The following ANXA2 variants were observed in gnomAD, a reference collection of about 807,000 sequenced individuals.
ANXA2 encodes annexin A2, also known as annexin II.
Under a neutral mutation model 47.3 loss-of-function variants are expected in ANXA2, and 28 were observed. That is an observed-to-expected ratio of 0.59 (90% CI 0.44 to 0.81). ANXA2 has a LOEUF of 0.81. Ranked by LOEUF, ANXA2 falls within the 40% of genes least tolerant of loss-of-function variation. ANXA2 has a pLI of 0.00. For synonymous variants in ANXA2, 172 were observed against 155.5 expected (o/e 1.11, Z -0.79); for missense variants, 384 against 414.3 (o/e 0.93, Z 0.64).
Position 60,355,838 on chromosome 15 carries a change from T to C in ANXA2, c.528+81A>G, listed in dbSNP as rs1394793109. 20 of 1,180,464 alleles carry C rather than the reference T, an allele frequency of 1.7e-5. No individual in the cohort carries two copies. The Middle Eastern group carries it at 9.6e-4, about 56-fold the overall frequency. 73.1% of individuals were successfully genotyped at this position (1,180,464 alleles called of 1,614,324 possible). On this transcript the variant is annotated intron_variant, in intron 7 of 12. Coordinates refer to ENST00000451270, the MANE Select transcript of ANXA2 (RefSeq NM_004039.3). ...CTGATGCAGGCACAGGGGATTTAGTTAATTCACTCCAAGTATAAAATGAGG... is the reference window on the plus strand; with the variant it reads ...CTGATGCAGGCACAGGGGATTTAGTCAATTCACTCCAAGTATAAAATGAGG...
chr15:60,376,329 C>T (rs939214394), intron 3 of ANXA2, among the ~76,000 whole-genome samples: 13 of 151,560 alleles, frequency 8.6e-5, no homozygotes, highest in African/African-American at 2.2e-4. Context: ...TGCAGTGAGC[C>T]GACATTGTGC....
intron 2 of ANXA2, chr15:60,384,637 C>A (rs1032835658): frequency 6.6e-6 from 1 of 152,186 alleles, no homozygotes; most frequent in African/African-American, 2.4e-5. Flanking sequence ...CTGACTTCAA[C>A]ATGCAGTTTG....
Position 60,386,026 on chromosome 15 carries a change from ACAT to A in ANXA2, c.47_48+1del. ...TATATAAAGTGAAAGTGATATACTT[ACAT>A]CACCCTCCAAGCTGAGCTTGCACAG... On this transcript the variant is annotated splice_donor_variant and coding_sequence_variant, in exon 2 of 13. Transcript: ENST00000451270. LOFTEE classifies it high-confidence loss of function. 1 of 1,609,598 alleles carries A rather than the reference ACAT, an allele frequency of 6.2e-7. No individual in the cohort carries two copies.
intron 1 of ANXA2, chr15:60,397,423 T>C: frequency 1.6e-6 from 1 of 635,916 alleles, no homozygotes; most frequent in Non-Finnish European, 2.0e-6. Flanking sequence ...CCCTCTCGTC[T>C]TCCCCCGCTA....
In ANXA2 at chr15:60,388,226, G is replaced by A. The variant is rs542187277; in HGVS notation, c.-11-2140C>T. 7.2e-5 allele frequency among the ~76,000 whole-genome samples: 11 copies of A among 152,082 alleles called. No homozygotes were observed. In the East Asian group the frequency reaches 2.1e-3, roughly 29 times the overall value. ...AGACAATTTAGAATAGTCTTGCTCT[G>A]TAGCAGAACCGTCCAATACAGTAGC... On this transcript the variant is annotated intron_variant, in intron 1 of 12. Transcript: ENST00000451270.
chr15:60,358,352 A>G (rs1017475968), intron 5 of ANXA2, among the ~76,000 whole-genome samples: 1 of 152,218 alleles, frequency 6.6e-6, no homozygotes, highest in African/African-American at 2.4e-5. Context: ...GATCAAAGTC[A>G]AGATTTAATA....
intron 5 of ANXA2, 27 bp from the exon 6 acceptor site, chr15:60,357,263 G>A (rs1447873357): frequency 1.3e-6 from 2 of 1,579,530 alleles, no homozygotes; most frequent in South Asian, 2.2e-5. Flanking sequence ...ACGAACATCA[G>A]CAGGGAAATG....
Position 60,381,918 on chromosome 15 carries a change from C to T in ANXA2, c.148+424G>A, listed in dbSNP as rs118157034. Among the ~76,000 whole-genome samples the T allele has an allele frequency of 7.7e-3, 1,166 of 152,002 alleles. 7 individuals are homozygous for T. Among genetic ancestry groups the T allele is most frequent in the Middle Eastern group, 0.017 (5 of 294 alleles). ...CAAAAGCATACCCCTAGGACCAGATCCGGCTCCCAGACTGATTCCTTTTAA... is the reference window on the plus strand; with the variant it reads ...CAAAAGCATACCCCTAGGACCAGATTCGGCTCCCAGACTGATTCCTTTTAA... On this transcript the variant is annotated intron_variant, in intron 3 of 12. Transcript: ENST00000451270.
intron 11 of ANXA2, 147 bp from the exon 12 acceptor site, chr15:60,349,344 A>G: frequency 3.9e-6 from 3 of 776,980 alleles, no homozygotes; most frequent in Non-Finnish European, 6.1e-6. Flanking sequence ...TGATGCCACA[A>G]TGAAAAATTC....
At position 60,369,490 on chromosome 15, in the gene ANXA2, C is replaced by T. The variant is rs144784821; in HGVS notation, c.149-4967G>A. Among the ~76,000 whole-genome samples, 4 of 152,316 alleles carry T rather than the reference C, an allele frequency of 2.6e-5. No homozygotes were observed. In the East Asian group the frequency reaches 7.7e-4, roughly 29 times the overall value. On this transcript the variant is annotated intron_variant, in intron 3 of 12. Transcript: ENST00000451270. ...TACTTCCAGAAGTCAACCTAGGGGCCGCTGGCCTGAAGGCATACCAAGAAC... is the reference window on the plus strand; with the variant it reads ...TACTTCCAGAAGTCAACCTAGGGGCTGCTGGCCTGAAGGCATACCAAGAAC...
At chr15:60,397,914 C>G (rs2063104523) in intron 1 of ANXA2, 29 bp downstream of exon 1, 1 of 1,336,342 alleles carries the variant, frequency 7.5e-7, no homozygotes, top group Non-Finnish European at 9.6e-7. Flanking sequence ...GGCGGCCCAT[C>G]GCGGGCGGGC....
chr15:60,354,883 G>A (rs143966028), intron 7 of ANXA2, among the ~76,000 whole-genome samples: 45 of 152,264 alleles, frequency 3.0e-4, no homozygotes, highest in African/African-American at 9.1e-4. Context: ...AAAGCAGCCC[G>A]GGAACCCACA....
At chr15:60,387,039 ATTCTC>A (rs1476351259) in intron 1 of ANXA2, 6 of 152,226 alleles carry the variant, frequency 3.9e-5, no homozygotes, top group Admixed American at 3.3e-4. Flanking sequence ...ACAGCTTTCT[ATTCTC>A]TTCACTTTGT....
chr15:60,355,105 A>T (rs1186526408), intron 7 of ANXA2, among the ~76,000 whole-genome samples: 1 of 152,170 alleles, frequency 6.6e-6, no homozygotes, highest in Non-Finnish European at 1.5e-5. Flanking sequence ...AGCAGAGCTG[A>T]GCGGGAAAGA....
chr15:60,375,828 A>T (rs1466069984), intron 3 of ANXA2, among the ~76,000 whole-genome samples: 1 of 152,194 alleles, frequency 6.6e-6, no homozygotes, highest in Non-Finnish European at 1.5e-5. Flanking sequence ...ATAAACGAGT[A>T]TGTAGAGTAT....
intron 1 of ANXA2, among the ~76,000 whole-genome samples, chr15:60,388,753 T>G (rs1458239768): frequency 6.7e-6 from 1 of 149,802 alleles, no homozygotes; most frequent in East Asian, 2.0e-4. Flanking sequence ...TTTTTTTTTT[T>G]GTCTGAGACA....
chr15:60,385,855 C>T (rs898848219), intron 2 of ANXA2, 173 bp downstream of exon 2: 20 of 531,468 alleles, frequency 3.8e-5, no homozygotes, highest in African/African-American at 3.5e-4. Flanking sequence ...CATGATATTT[C>T]CTTCAAATTG....
Position 60,386,847 on chromosome 15 carries a change from G to T in ANXA2, c.-11-761C>A, listed in dbSNP as rs1043162472. ...CCCTGCCAATAAGGAGTGCTCAATT[G>T]GTGGTAAATTTATCTCAACAGAGAC... On this transcript the variant is annotated intron_variant, in intron 1 of 12. Transcript: ENST00000451270. 4.6e-5 allele frequency: 7 copies of T among 152,236 alleles called. No homozygotes were observed. In the East Asian group the frequency reaches 1.4e-3, roughly 29 times the overall value. The allele number at this position is 152,236 out of a possible 1,614,324, so 9.4% of individuals were successfully genotyped here. A position where few individuals can be genotyped will look rare whatever the true frequency, so the allele number is the denominator to read the frequency against.
chr15:60,356,114 A>C, intron 6 of ANXA2, 116 bp from the exon 7 acceptor site: 1 of 735,996 alleles, frequency 1.4e-6, no homozygotes, highest in Non-Finnish European at 2.4e-6. Flanking sequence ...TCAGCTGGAC[A>C]TATCCATTCT....
Sources: gnomAD v4.1 joint callset for allele counts (sites outside exome capture counted in the v4.1 genomes callset) on GRCh38, gnomAD v4.1.1 for gene constraint, MANE v1.5 for transcripts, NCBI Gene and HGNC (gene_info 2026-07-23, HGNC 2026-07-21) for gene names.